The following RNLS variants were observed in gnomAD, a reference collection of about 807,000 sequenced individuals.
RNLS encodes renalase, FAD dependent amine oxidase.
Under a neutral mutation model 39.8 loss-of-function variants are expected in RNLS, and 39 were observed. That is an observed-to-expected ratio of 0.98 (90% CI 0.76 to 1.28). The LOEUF (loss-of-function observed/expected upper bound fraction) is 1.28. Among genes scored for constraint, RNLS ranks in the 50% most tolerant of loss-of-function variants. The pLI is 0.00. For synonymous variants in RNLS, 147 were observed against 150.7 expected (o/e 0.98, Z 0.18); for missense variants, 410 against 413.3 (o/e 0.99, Z 0.07).
At chr10:88,194,643 CT>C in the RNLS span, among the ~76,000 whole-genome samples, 2 of 152,190 alleles carry the variant, frequency 1.3e-5, no homozygotes, top group African/African-American at 4.8e-5. Context: ...TGTTCAAAGT[CT>C]TGTTTGTAAA....
At chr10:88,397,178 T>C (rs550601156) in intron 4 of RNLS, among the ~76,000 whole-genome samples, 1 of 152,108 alleles carries the variant, frequency 6.6e-6, no homozygotes, top group Admixed American at 6.6e-5. Context: ...TCTTCTCAAG[T>C]GTACATGAGA....
In RNLS at chr10:88,330,157, A is replaced by C. The variant is rs575890798; in HGVS notation, c.701-15516T>G. On this transcript the variant is annotated intron_variant, in intron 5 of 6. Transcript: ENST00000331772. ...ACACAATTTTATATTATCTCTCTCT[A>C]TATATATTTCTTTATATATGTTTAT... 2.4e-3 allele frequency among the ~76,000 whole-genome samples: 352 copies of C among 148,888 alleles called. 5 individuals are homozygous for C. The highest frequency in any genetic ancestry group is 7.7e-3 in the African/African-American group (316 of 40,924).
At chr10:88,493,738 G>A (rs543215634) in intron 4 of RNLS, among the ~76,000 whole-genome samples, 41 of 152,004 alleles carry the variant, frequency 2.7e-4, no homozygotes, top group African/African-American at 9.6e-4. Flanking sequence ...CTTTTTCACT[G>A]TAAGGTCAAC....
At chr10:88,529,929 G>A (rs1478167236) in intron 4 of RNLS, among the ~76,000 whole-genome samples, 1 of 152,100 alleles carries the variant, frequency 6.6e-6, no homozygotes, top group Non-Finnish European at 1.5e-5. Flanking sequence ...TGATGAATGT[G>A]TTTTTCCAAT....
intron 4 of RNLS, among the ~76,000 whole-genome samples, chr10:88,397,313 A>G (rs988406191): frequency 6.6e-6 from 1 of 152,008 alleles, no homozygotes; most frequent in Non-Finnish European, 1.5e-5. Flanking sequence ...AATAATAGAC[A>G]GAAACATAGA....
At chr10:88,316,072 C>A (rs145872454) in intron 5 of RNLS, among the ~76,000 whole-genome samples, 1 of 152,232 alleles carries the variant, frequency 6.6e-6, no homozygotes, top group Non-Finnish European at 1.5e-5. Flanking sequence ...AGAAGAGAGT[C>A]CCAACATGCT....
At chr10:88,256,439 A>G in the RNLS span, among the ~76,000 whole-genome samples, 1 of 152,246 alleles carries the variant, frequency 6.6e-6, no homozygotes, top group African/African-American at 2.4e-5. Context: ...ACACAGCTGC[A>G]GATGTGAAAG....
At chr10:88,503,829 A>AGTGG (rs1176612141) in intron 4 of RNLS, among the ~76,000 whole-genome samples, 4 of 152,204 alleles carry the variant, frequency 2.6e-5, no homozygotes, top group African/African-American at 9.6e-5. Context: ...TATAAAATAT[A>AGTGG]GCAGACAGGA....
At chr10:88,385,539 G>A (rs755928646) in intron 4 of RNLS, among the ~76,000 whole-genome samples, 7 of 152,202 alleles carry the variant, frequency 4.6e-5, no homozygotes, top group Non-Finnish European at 7.3e-5. Context: ...AGTCAAATGT[G>A]TTTCCAACTT....
At chr10:88,368,654 C>T (rs1850305909) in intron 4 of RNLS, among the ~76,000 whole-genome samples, 2 of 152,014 alleles carry the variant, frequency 1.3e-5, no homozygotes, top group African/African-American at 4.8e-5. Flanking sequence ...TATTTTAATG[C>T]CTCTATAATA....
At chr10:88,433,819 A>G (rs541373854) in intron 4 of RNLS, among the ~76,000 whole-genome samples, 2 of 152,278 alleles carry the variant, frequency 1.3e-5, no homozygotes, top group South Asian at 4.1e-4. Flanking sequence ...CACTGAGAGT[A>G]AAAGGACCTA....
rs1847018122 is a variant in RNLS, at chr10:88,330,293, C to T, written c.701-15652G>A. Reference sequence around the variant, plus strand: ...TTCCTTTGGAAACGTGCTTTGGTTTCTGCCAGAGGCCTTAGGGCAATATTG... The same window carrying T: ...TTCCTTTGGAAACGTGCTTTGGTTTTTGCCAGAGGCCTTAGGGCAATATTG... On this transcript the variant is annotated intron_variant, in intron 5 of 6. Transcript: ENST00000331772. 2.0e-5 allele frequency among the ~76,000 whole-genome samples: 3 copies of T among 151,860 alleles called. No homozygotes were observed. In the South Asian group the frequency reaches 6.2e-4, roughly 31 times the overall value.
At chr10:88,217,592 G>A in the RNLS span, among the ~76,000 whole-genome samples, 1 of 151,798 alleles carries the variant, frequency 6.6e-6, no homozygotes, top group African/African-American at 2.4e-5. Flanking sequence ...TAAAACAGAG[G>A]GTCTCAGCTA....
At chr10:88,525,593 C>T (rs1190298043) in intron 4 of RNLS, among the ~76,000 whole-genome samples, 2 of 152,058 alleles carry the variant, frequency 1.3e-5, no homozygotes, top group Non-Finnish European at 2.9e-5. Context: ...GGTATTCAAA[C>T]TAATCCTGTG....
intron 3 of RNLS, among the ~76,000 whole-genome samples, chr10:88,575,835 A>G (rs1263493150): frequency 6.6e-6 from 1 of 152,166 alleles, no homozygotes; most frequent in Non-Finnish European, 1.5e-5. Context: ...ATTGCTTACA[A>G]AGCCCTGTAT....
intron 4 of RNLS, among the ~76,000 whole-genome samples, chr10:88,568,825 T>G (rs1048623280): frequency 1.3e-5 from 2 of 152,188 alleles, no homozygotes; most frequent in African/African-American, 4.8e-5. Context: ...GTTGCTCTGT[T>G]CCAGAAACAA....
At chr10:88,353,264 G>C (rs978035145) in intron 5 of RNLS, among the ~76,000 whole-genome samples, 20 of 152,152 alleles carry the variant, frequency 1.3e-4, no homozygotes, top group African/African-American at 4.6e-4. Context: ...TTTTGAATGT[G>C]TTTGCTCTTG....
chr10:88,418,523 C>T (rs1330634710), intron 4 of RNLS, among the ~76,000 whole-genome samples: 6 of 152,162 alleles, frequency 3.9e-5, no homozygotes. Context: ...GCAGTGTTTC[C>T]TCAACTTTAG....
downstream of RNLS, among the ~76,000 whole-genome samples, chr10:88,272,224 C>A (rs939713010): frequency 3.9e-5 from 6 of 152,100 alleles, no homozygotes; most frequent in Non-Finnish European, 7.4e-5. Flanking sequence ...CATCTGAAAC[C>A]CAGTTTACAT....
Sources: allele counts gnomAD v4.1 joint callset (sites outside exome capture counted in the v4.1 genomes callset), GRCh38; gene constraint gnomAD v4.1.1; transcripts MANE v1.5; gene names NCBI Gene and HGNC (gene_info 2026-07-23, HGNC 2026-07-21).